Variants in ACOX3 observed in about 807,000 individuals in gnomAD.
ACOX3 encodes the protein peroxisomal acyl-coenzyme A oxidase 3.
In ACOX3, 73 loss-of-function variants were observed where a neutral mutation model predicts 81.5. The ratio of observed to expected loss-of-function variants is 0.90; its 90% CI spans 0.74 to 1.09. The LOEUF is 1.09. ACOX3 is among the 50% of genes least tolerant of loss of function. The pLI, the probability that ACOX3 is intolerant of heterozygous loss-of-function variation, is 0.00. For synonymous variants in ACOX3, 387 were observed against 375.1 expected (o/e 1.03, Z -0.37); for missense variants, 947 against 928.0 (o/e 1.02, Z -0.27).
At chr4:8,426,880 G>A (rs1454463495) in intron 1 of ACOX3, among the ~76,000 whole-genome samples, 1 of 152,182 alleles carries the variant, frequency 6.6e-6, no homozygotes, top group Non-Finnish European at 1.5e-5. Context: ...ATGCTCCGAT[G>A]TTGATGACAT....
In ACOX3 at chr4:8,419,091, A is replaced by T. The variant is rs1722650111; in HGVS notation, c.-14-2556T>A. ...TAAGGCAGGAGGACAGCTTGAGCCC[A>T]GGAGTTTGAGACCAGCCTGGGTGAT... On this transcript the variant is annotated intron_variant, in intron 1 of 17. Transcript: ENST00000356406. The surrounding 1 kb of genome is among the most constrained non-coding windows in gnomAD (Gnocchi z 4.2). Among the ~76,000 whole-genome samples the T allele has an allele frequency of 6.6e-6, 1 of 151,982 alleles. No homozygotes were observed. Among genetic ancestry groups the T allele is most frequent in the Non-Finnish European group, 1.5e-5 (1 of 67,990 alleles).
chr4:8,414,153 AGTGG>A lies in ACOX3; in HGVS notation c.543+135_543+138del. On this transcript the variant is annotated intron_variant, in intron 5 of 17. Transcript: ENST00000356406. The surrounding 1 kb of genome is among the most constrained non-coding windows in gnomAD (Gnocchi z 6.1). ...CCCACTTTTCAGTGTGATGAATCTC[AGTGG>A]GTATTTCTACACAAGTGTATGTGGA... 5.6e-6 allele frequency: 4 copies of A among 717,560 alleles called. No individual in the cohort carries two copies. Among genetic ancestry groups the A allele is most frequent in the Non-Finnish European group, 9.6e-6 (4 of 417,032 alleles). 44.4% of individuals were successfully genotyped at this position (717,560 alleles called of 1,614,324 possible).
intron 9 of ACOX3, among the ~76,000 whole-genome samples, chr4:8,396,099 G>A (rs1719660128): frequency 6.6e-6 from 1 of 152,214 alleles, no homozygotes. Context: ...CCACGCTGCT[G>A]CCTGGGCTGC....
chr4:8,397,833 C>G (rs1719894479), intron 8 of ACOX3, among the ~76,000 whole-genome samples: 1 of 152,254 alleles, frequency 6.6e-6, no homozygotes, highest in African/African-American at 2.4e-5. Context: ...ATTAATCACA[C>G]TCTCACATAG....
chr4:8,396,998 G>A lies in ACOX3; in HGVS notation c.995C>T (p.Thr332Ile), dbSNP rs369008876. The A allele has an allele frequency of 3.3e-5, 53 of 1,612,022 alleles. No individual in the cohort carries two copies. Among genetic ancestry groups the A allele is most frequent in the Non-Finnish European group, 3.6e-5 (42 of 1,179,250 alleles). Reference protein sequence around the residue: ...AVAIALRFSATRRQFGPTEEE... With the variant: ...AVAIALRFSAIRRQFGPTEEE... ...CTCTGTGGGTCCAAACTGACGCCGA[G>A]TGGCTGAGAAGCGAAGAGCGATGGC... Residue 332 changes from threonine to isoleucine, a missense_variant, in exon 9 of 18, where the codon ACT (threonine) becomes ATT (isoleucine). Coordinates refer to ENST00000356406, the MANE Select transcript of ACOX3 (RefSeq NM_003501.3).
intron 1 of ACOX3, among the ~76,000 whole-genome samples, chr4:8,429,436 T>TAA (rs1723812200): frequency 6.6e-6 from 1 of 152,208 alleles, no homozygotes; most frequent in Non-Finnish European, 1.5e-5. Context: ...TGCAGGGGCT[T>TAA]TAAGACTATT....
intron 5 of ACOX3, among the ~76,000 whole-genome samples, chr4:8,413,758 C>T (rs1722042213): frequency 6.6e-6 from 1 of 152,238 alleles, no homozygotes; most frequent in African/African-American, 2.4e-5. Flanking sequence ...CGTCTCACTG[C>T]ACCACACCAG....
intron 16 of ACOX3, 42 bp downstream of exon 16, chr4:8,373,519 T>A (rs1425243290): frequency 6.2e-7 from 1 of 1,609,642 alleles, no homozygotes; most frequent in Non-Finnish European, 8.5e-7. Context: ...TGGGCGGTTG[T>A]GTAACATGGA....
In ACOX3 at chr4:8,432,723, C is replaced by T. The variant is rs979520060; in HGVS notation, c.-15+7925G>A. Among the ~76,000 whole-genome samples, 2 of 152,166 alleles carry T rather than the reference C, an allele frequency of 1.3e-5. No individual in the cohort carries two copies. Among genetic ancestry groups the T allele is most frequent in the African/African-American group, 4.8e-5 (2 of 41,436 alleles). ...TCAGGGCGCTCAGAGCAGCCAGGGA[C>T]TTCCGGTTGGAGCCTCCACTGCTGC... On this transcript the variant is annotated intron_variant, in intron 1 of 17. Transcript: ENST00000356406. This position sits in a 1 kb window ranked among gnomAD's most constrained non-coding sequence, Gnocchi z 6.2.
At chr4:8,380,019 T>C (rs1456555664) in intron 14 of ACOX3, among the ~76,000 whole-genome samples, 1 of 152,044 alleles carries the variant, frequency 6.6e-6, no homozygotes, top group Non-Finnish European at 1.5e-5. Flanking sequence ...CATCCACTGG[T>C]TTCTGAATGA....
In ACOX3 at chr4:8,386,942, G is replaced by A. The variant is rs1006547941; in HGVS notation, c.1537+2231C>T. ...CGGCGTCGGTCCTGATGGCTGGAAC[G>A]CGTCCTCCATGTGTGCCTGTCCCCT... On this transcript the variant is annotated intron_variant, in intron 13 of 17. Coordinates refer to ENST00000356406, the MANE Select transcript of ACOX3 (RefSeq NM_003501.3). This position sits in a 1 kb window ranked among gnomAD's most constrained non-coding sequence, Gnocchi z 5.2. Among the ~76,000 whole-genome samples the A allele has an allele frequency of 6.6e-6, 1 of 152,230 alleles. No individual in the cohort carries two copies. Among genetic ancestry groups the A allele is most frequent in the African/African-American group, 2.4e-5 (1 of 41,462 alleles).
rs147082165 is a variant in ACOX3, at chr4:8,432,575, C to T, written c.-15+8073G>A. 9.2e-5 allele frequency among the ~76,000 whole-genome samples: 14 copies of T among 152,064 alleles called. No homozygotes were observed. The highest frequency in any genetic ancestry group is 1.5e-4 in the Non-Finnish European group (10 of 67,996). ...TATAAACCCAACATATTGAATTTAA[C>T]GGGTTTCTATGCTGTTAAGGTCTTG... is the stretch of plus-strand genomic sequence containing the variant. On this transcript the variant is annotated intron_variant, in intron 1 of 17. Transcript: ENST00000356406. This position sits in a 1 kb window ranked among gnomAD's most constrained non-coding sequence, Gnocchi z 6.2.
At chr4:8,402,532 C>G (rs1014752541) in intron 7 of ACOX3, among the ~76,000 whole-genome samples, 7 of 152,196 alleles carry the variant, frequency 4.6e-5, no homozygotes, top group Non-Finnish European at 5.9e-5. Context: ...GGAAATTATT[C>G]CCCCATTCTC....
chr4:8,418,527 G>T (rs1432617664), intron 1 of ACOX3, among the ~76,000 whole-genome samples: 1 of 151,746 alleles, frequency 6.6e-6, no homozygotes, highest in African/African-American at 2.4e-5. Flanking sequence ...TAAAAAATGG[G>T]CAAAGGGTTC....
intron 14 of ACOX3, among the ~76,000 whole-genome samples, chr4:8,379,067 C>T (rs902411633): frequency 3.3e-5 from 5 of 152,204 alleles, no homozygotes; most frequent in Non-Finnish European, 7.3e-5. Flanking sequence ...GGGTGTTCTC[C>T]GTCGGCGACA....
intron 5 of ACOX3, among the ~76,000 whole-genome samples, chr4:8,413,292 G>GTC (rs1721963847): frequency 1.4e-5 from 1 of 69,250 alleles, no homozygotes; most frequent in Non-Finnish European, 2.6e-5. Flanking sequence ...CAGGGCATCC[G>GTC]TGTCCCGTCT....
chr4:8,439,884 C>G (rs1374365639), intron 1 of ACOX3, among the ~76,000 whole-genome samples: 1 of 152,138 alleles, frequency 6.6e-6, no homozygotes, highest in Non-Finnish European at 1.5e-5. Flanking sequence ...CTCCCTGCCA[C>G]CTTGCCTAGT....
At chr4:8,434,364 G>A (rs1287450766) in intron 1 of ACOX3, among the ~76,000 whole-genome samples, 1 of 152,228 alleles carries the variant, frequency 6.6e-6, no homozygotes, top group Non-Finnish European at 1.5e-5. Flanking sequence ...AGTTTTGTCT[G>A]CAGCTCGTCC....
At chr4:8,439,885 C>T (rs1724495365) in intron 1 of ACOX3, among the ~76,000 whole-genome samples, 1 of 152,148 alleles carries the variant, frequency 6.6e-6, no homozygotes, top group African/African-American at 2.4e-5. Flanking sequence ...TCCCTGCCAC[C>T]TTGCCTAGTT....
Sources: allele counts gnomAD v4.1 joint callset (sites outside exome capture counted in the v4.1 genomes callset), GRCh38; gene constraint gnomAD v4.1.1; non-coding constraint Gnocchi (gnomAD v3.1); transcripts MANE v1.5; gene names NCBI Gene and HGNC (gene_info 2026-07-23, HGNC 2026-07-21).